The following AMBRA1 variants were observed in gnomAD, a reference collection of about 807,000 sequenced individuals.
AMBRA1 encodes autophagy and beclin 1 regulator 1, also known as activating molecule in BECN1-regulated autophagy protein 1.
In AMBRA1, 47 loss-of-function variants were observed where a neutral mutation model predicts 125.4. That is an observed-to-expected ratio of 0.37 (90% CI 0.30 to 0.48). AMBRA1 has a LOEUF of 0.48. Ranked by LOEUF, AMBRA1 falls within the 20% of genes least tolerant of loss-of-function variation. AMBRA1 has a pLI of 0.99. For synonymous variants in AMBRA1, 626 were observed against 655.5 expected, an observed-to-expected ratio of 0.95 and a Z score of 0.69; for missense variants, 1,331 against 1,693.4, an observed-to-expected ratio of 0.79 and a Z score of 3.76.
intron 11 of AMBRA1, among the ~76,000 whole-genome samples, chr11:46,445,100 T>G (rs1288990339): frequency 6.7e-6 from 1 of 148,162 alleles, no homozygotes; most frequent in African/African-American, 2.5e-5. Context: ...AAAAACTTAG[T>G]GTAATCATTT....
rs888128485 is a variant in AMBRA1 at position 46,593,845 on chromosome 11, G to A, written c.-138C>T. 10 of 396,910 alleles carry A rather than the reference G, an allele frequency of 2.5e-5. No individual in the cohort carries two copies. Among genetic ancestry groups the A allele is most frequent in the African/African-American group, 1.4e-4 (7 of 48,612 alleles). The allele number at this position is 396,910 out of a possible 1,614,324, so 24.6% of individuals were successfully genotyped here. A position where few individuals can be genotyped will look rare whatever the true frequency, so the allele number is the denominator to read the frequency against. On this transcript the variant is annotated 5_prime_UTR_variant, in exon 1 of 18. Transcript: ENST00000683756. The stretch of plus-strand genomic sequence containing the variant: ...GGGCCTACCTGCAAGGCAGACGGGA[G>A]CTCGGTTTGCAGTCCAGCGAACGGG...
At chr11:46,454,271 C>A (rs1362745770) in intron 11 of AMBRA1, among the ~76,000 whole-genome samples, 1 of 151,764 alleles carries the variant, frequency 6.6e-6, no homozygotes, top group Non-Finnish European at 1.5e-5. Flanking sequence ...TCAAGTGATC[C>A]TCCTACCTTG....
intron 7 of AMBRA1, among the ~76,000 whole-genome samples, chr11:46,522,627 A>G (rs34770512): frequency 0.03 from 4,503 of 152,284 alleles, 80 homozygotes; most frequent in Non-Finnish European, 0.044. Flanking sequence ...GTGTATCCTA[A>G]TTCACTGATT....
intron 11 of AMBRA1, among the ~76,000 whole-genome samples, chr11:46,462,413 T>C (rs560485689): frequency 6.6e-6 from 1 of 152,328 alleles, no homozygotes; most frequent in African/African-American, 2.4e-5. Context: ...TCCTCACGTC[T>C]GTCTTCAATG....
chr11:46,482,408 G>C (rs1280564780), intron 11 of AMBRA1, among the ~76,000 whole-genome samples: 1 of 152,182 alleles, frequency 6.6e-6, no homozygotes, highest in African/African-American at 2.4e-5. Context: ...AAAGACTGTT[G>C]TGAACACTTG....
At chr11:46,523,915 C>A (rs1387211607) in intron 7 of AMBRA1, among the ~76,000 whole-genome samples, 4 of 152,200 alleles carry the variant, frequency 2.6e-5, no homozygotes, top group Non-Finnish European at 4.4e-5. Flanking sequence ...GTTGCCCAGG[C>A]TGGAGTGCAA....
Position 46,542,171 on chromosome 11 carries a change from A to G in AMBRA1, c.1846T>C (p.Leu616=). 1 of 1,613,676 alleles carries G rather than the reference A, an allele frequency of 6.2e-7. No homozygotes were observed. Among genetic ancestry groups the G allele is most frequent in the Non-Finnish European group, 8.5e-7 (1 of 1,179,756 alleles). ...CCCTCAGTCCGCTCGAGAGGTGGCAACTGGCTGCCACTTGATGGCACACTC... is the reference window on the plus strand; with the variant it reads ...CCCTCAGTCCGCTCGAGAGGTGGCAGCTGGCTGCCACTTGATGGCACACTC... ...FESVPSSGSQ[L]PPLERTEGQT... The change falls in exon 7 of 18, where the codon TTG becomes CTG. Residue 616 remains leucine, a synonymous_variant. Transcript: ENST00000683756. This position sits in a 1 kb window ranked among gnomAD's most constrained non-coding sequence, Gnocchi z 5.9.
At chr11:46,507,435 C>G (rs1310662354) in intron 9 of AMBRA1, among the ~76,000 whole-genome samples, 1 of 149,724 alleles carries the variant, frequency 6.7e-6, no homozygotes, top group Non-Finnish European at 1.5e-5. Context: ...GCCGAGATAG[C>G]GCCACTGCAC....
At chr11:46,505,312 C>CA (rs983444238) in intron 9 of AMBRA1, among the ~76,000 whole-genome samples, 15 of 152,176 alleles carry the variant, frequency 9.9e-5, no homozygotes, top group African/African-American at 3.4e-4. Flanking sequence ...CGTGGACACT[C>CA]AGAGGACAGG....
intron 11 of AMBRA1, among the ~76,000 whole-genome samples, chr11:46,451,551 C>T (rs1948596402): frequency 6.6e-6 from 1 of 152,034 alleles, no homozygotes; most frequent in African/African-American, 2.4e-5. Context: ...AGTGAAGATA[C>T]TGAACAATGG....
At chr11:46,478,498 C>A (rs758300235) in intron 11 of AMBRA1, among the ~76,000 whole-genome samples, 1 of 152,124 alleles carries the variant, frequency 6.6e-6, no homozygotes, top group Non-Finnish European at 1.5e-5. Flanking sequence ...AGAAAATACC[C>A]AGAGAAAGAG....
chr11:46,519,822 T>G (rs1335547878), intron 7 of AMBRA1, among the ~76,000 whole-genome samples: 2 of 152,174 alleles, frequency 1.3e-5, no homozygotes, highest in Non-Finnish European at 2.9e-5. Context: ...TACAAACTTT[T>G]TGCTCCCAGG....
At chr11:46,549,816 TTTC>T (rs1360326723) in intron 1 of AMBRA1, among the ~76,000 whole-genome samples, 1 of 152,020 alleles carries the variant, frequency 6.6e-6, no homozygotes, top group African/African-American at 2.4e-5. Flanking sequence ...CTAGCTTTTC[TTTC>T]TTTTTTGGGG....
chr11:46,464,601 T>C (rs1024501676), intron 11 of AMBRA1, among the ~76,000 whole-genome samples: 2 of 152,184 alleles, frequency 1.3e-5, no homozygotes, highest in African/African-American at 2.4e-5. Flanking sequence ...TTTAATTTTC[T>C]ATATTTTATG....
Position 46,547,160 on chromosome 11 carries a change from T to G in AMBRA1, c.331A>C (p.Ile111Leu). 1.9e-6 allele frequency: 3 copies of G among 1,613,494 alleles called. No individual in the cohort carries two copies. Among genetic ancestry groups the G allele is most frequent in the Non-Finnish European group, 2.5e-6 (3 of 1,179,818 alleles). Reference sequence around the variant, plus strand: ...TCCCCATCTAGGCAGCCAGAAGCAATAAGGCCTGAGATGGTGGGATGAAAA... The same window carrying G: ...TCCCCATCTAGGCAGCCAGAAGCAAGAAGGCCTGAGATGGTGGGATGAAAA... ...VTFHPTISGL[I>L]ASGCLDGEVR... is the part of the protein sequence containing the mutation. Residue 111 changes from isoleucine to leucine, a missense_variant, in exon 4 of 18, where the codon ATT becomes CTT. Coordinates refer to ENST00000683756, the MANE Select transcript of AMBRA1 (RefSeq NM_001387011.1).
At position 46,417,057 on chromosome 11, in the gene AMBRA1, C is replaced by CT. The variant is rs796893271; in HGVS notation, c.3116+855dup. Among the ~76,000 whole-genome samples the CT allele has an allele frequency of 3.9e-3, 559 of 143,652 alleles. 1 individual carries two copies. Among genetic ancestry groups the CT allele is most frequent in the African/African-American group, 8.2e-3 (327 of 39,698 alleles). The allele number at this position is 143,652 out of a possible 152,430, so 94.2% of individuals were successfully genotyped here. On this transcript the variant is annotated intron_variant, in intron 15 of 17. Coordinates refer to ENST00000683756, the MANE Select transcript of AMBRA1 (RefSeq NM_001387011.1). ...TGCTTTGACTGTAAATTGAGCTTTT[C>CT]TTTTTTTTTTTTTGAGACAGAGTCT...
At chr11:46,409,152 A>C (rs1946163591) in intron 16 of AMBRA1, among the ~76,000 whole-genome samples, 1 of 152,040 alleles carries the variant, frequency 6.6e-6, no homozygotes, top group Non-Finnish European at 1.5e-5. Context: ...TCCACTTTGA[A>C]TTCTTGAATT....
rs150551491 is a variant in AMBRA1, at chr11:46,579,470, A to C, written c.-121+14358T>G. Among the ~76,000 whole-genome samples the C allele has an allele frequency of 4.2e-3, 635 of 152,272 alleles. 3 individuals are homozygous for C. The highest frequency in any genetic ancestry group is 0.013 in the African/African-American group (533 of 41,558). ...AAAACTCCATCTCAATAAATAAATA[A>C]ATTAAGTAAGTAAGTACATAAAAAG... On this transcript the variant is annotated intron_variant, in intron 1 of 17. Transcript: ENST00000683756.
intron 11 of AMBRA1, among the ~76,000 whole-genome samples, chr11:46,463,716 C>T (rs1284402465): frequency 6.6e-6 from 1 of 152,310 alleles, no homozygotes; most frequent in East Asian, 1.9e-4. Flanking sequence ...CAGGAAAGCA[C>T]CCAACTTCTG....
Sources: gnomAD v4.1 joint callset for allele counts (sites outside exome capture counted in the v4.1 genomes callset) on GRCh38, gnomAD v4.1.1 for gene constraint, Gnocchi (gnomAD v3.1) non-coding constraint, MANE v1.5 for transcripts, NCBI Gene and HGNC (gene_info 2026-07-23, HGNC 2026-07-21) for gene names.